The following RGS5 variants were observed in gnomAD, a reference collection of about 807,000 sequenced individuals.
RGS5 encodes regulator of G protein signaling 5.
RGS5 carries 20 observed loss-of-function variants against 18.9 expected under a neutral mutation model. That is an observed-to-expected ratio of 1.06 (90% CI 0.74 to 1.54). The LOEUF (loss-of-function observed/expected upper bound fraction) is 1.54. RGS5 is among the 40% of genes most tolerant of loss of function. The pLI is 0.00. For missense variants in RGS5, 201 were observed against 211.8 expected (o/e 0.95, Z 0.32); for synonymous variants, 57 against 76.2 (o/e 0.75, Z 1.31).
At chr1:163,183,419 A>T (rs929793332) in intron 1 of RGS5, among the ~76,000 whole-genome samples, 13 of 152,216 alleles carry the variant, frequency 8.5e-5, no homozygotes, top group Admixed American at 2.6e-4. Context: ...TTAATAAGCA[A>T]TTATTCCTGA....
chr1:163,174,006 G>C (rs1658428070), intron 1 of RGS5, among the ~76,000 whole-genome samples: 1 of 152,252 alleles, frequency 6.6e-6, no homozygotes, highest in Non-Finnish European at 1.5e-5. Flanking sequence ...AACCCAGGAG[G>C]TGGAGGTTGC....
intron 2 of RGS5, among the ~76,000 whole-genome samples, chr1:163,258,510 G>A (rs2101703655): frequency 6.6e-6 from 1 of 152,290 alleles, no homozygotes; most frequent in African/African-American, 2.4e-5. Context: ...AAAAAAATCT[G>A]CTAAAAAGTT....
intron 2 of RGS5, among the ~76,000 whole-genome samples, chr1:163,228,012 C>T (rs533835430): frequency 6.6e-6 from 1 of 152,192 alleles, no homozygotes; most frequent in Non-Finnish European, 1.5e-5. Flanking sequence ...CAGCCCTGCC[C>T]CAGGATGCTT....
upstream of RGS5, among the ~76,000 whole-genome samples, chr1:163,205,266 C>A (rs1280998287): frequency 1.3e-5 from 2 of 148,976 alleles, no homozygotes; most frequent in African/African-American, 5.0e-5. Flanking sequence ...CAACATTGTG[C>A]CCATAGTTAG....
At position 163,243,813 on chromosome 1, in the gene RGS5, A is replaced by AAC. The variant is rs140181467; in HGVS notation, c.-281+62418_-281+62419dup. 2.0e-3 allele frequency among the ~76,000 whole-genome samples: 296 copies of AAC among 150,204 alleles called. 1 individual carries two copies. The highest frequency in any genetic ancestry group is 0.015 in the East Asian group (76 of 5,140). On this transcript the variant is annotated intron_variant, in intron 2 of 5. Coordinates refer to the RGS5 transcript ENST00000618415. ...AGGAGGCATTTACACACATTCACAC[A>AAC]ACACACACACACACACATACACACA... is the stretch of plus-strand genomic sequence containing the variant.
upstream of RGS5, among the ~76,000 whole-genome samples, chr1:163,206,378 AT>A (rs1659955097): frequency 6.6e-6 from 1 of 151,492 alleles, no homozygotes; most frequent in Non-Finnish European, 1.5e-5. Context: ...TTGCTTTTTG[AT>A]TTTTTTAATG....
At chr1:163,193,181 A>C (rs1453157243) in intron 1 of RGS5, among the ~76,000 whole-genome samples, 1 of 152,144 alleles carries the variant, frequency 6.6e-6, no homozygotes, top group Admixed American at 6.5e-5. Context: ...GTAGAGTTTT[A>C]AGTCTCTAAA....
At chr1:163,217,482 A>G (rs1557908912) in intron 1 of RGS5, 2 of 1,484,186 alleles carry the variant, frequency 1.3e-6, no homozygotes, top group Non-Finnish European at 9.0e-7. Context: ...TGTAAATTAT[A>G]ACATTAAAGA....
intron 1 of RGS5, among the ~76,000 whole-genome samples, chr1:163,190,100 T>A (rs1428177341): frequency 6.6e-6 from 1 of 152,150 alleles, no homozygotes; most frequent in South Asian, 2.1e-4. Context: ...CATGTAAATC[T>A]GCTCTCCAAA....
chr1:163,199,190 T>C (rs1659683419), intron 1 of RGS5, among the ~76,000 whole-genome samples: 1 of 152,216 alleles, frequency 6.6e-6, no homozygotes, highest in Admixed American at 6.5e-5. Flanking sequence ...CTCACCCATA[T>C]AGTACAGGTT....
At chr1:163,174,232 A>G (rs936917234) in intron 1 of RGS5, among the ~76,000 whole-genome samples, 2 of 152,174 alleles carry the variant, frequency 1.3e-5, no homozygotes, top group Non-Finnish European at 2.9e-5. Context: ...TTCAATTGGC[A>G]TTTATATCTC....
intron 2 of RGS5, among the ~76,000 whole-genome samples, chr1:163,287,763 G>T (rs12120906): frequency 1.3e-5 from 2 of 152,032 alleles, no homozygotes; most frequent in African/African-American, 4.8e-5. Context: ...TAATTCTACT[G>T]GTGGTGTCAT....
chr1:163,233,702 G>C (rs966125543), intron 2 of RGS5, among the ~76,000 whole-genome samples: 1 of 152,160 alleles, frequency 6.6e-6, no homozygotes, highest in African/African-American at 2.4e-5. Context: ...TTTGCAGGCA[G>C]GGGGTGGATC....
chr1:163,274,351 CAG>C (rs1648798246), intron 2 of RGS5, among the ~76,000 whole-genome samples: 1 of 152,302 alleles, frequency 6.6e-6, no homozygotes, highest in Admixed American at 6.5e-5. Context: ...CAATAAGATA[CAG>C]AGAGCTTCTA....
In RGS5 at chr1:163,215,921, A is replaced by AAAAAT. The variant is rs1182061036; in HGVS notation, c.69+1600_69+1604dup. Among the ~76,000 whole-genome samples the AAAAAT allele has an allele frequency of 3.3e-5, 5 of 151,956 alleles. No homozygotes were observed. In the East Asian group the frequency reaches 5.8e-4, roughly 18 times the overall value. On this transcript the variant is annotated intron_variant, in intron 1 of 5. Coordinates refer to the RGS5 transcript ENST00000367903. ...GTCTATTCATTTAAATAATAATAATAAAAATAAAATAAAATAAAAATTTTA... is the reference window on the plus strand; with the variant it reads ...GTCTATTCATTTAAATAATAATAATAAAAATAAAATAAAATAAAATAAAAATTTTA...
chr1:163,201,635 T>C (rs1659774379), intron 1 of RGS5, among the ~76,000 whole-genome samples: 8 of 152,158 alleles, frequency 5.3e-5, no homozygotes, highest in Admixed American at 5.2e-4. Context: ...GGAGGTTTCA[T>C]ATTCAGTTAC....
At chr1:163,188,201 T>C (rs1295697111) in intron 1 of RGS5, among the ~76,000 whole-genome samples, 3 of 152,078 alleles carry the variant, frequency 2.0e-5, no homozygotes, top group Admixed American at 2.0e-4. Flanking sequence ...AGCTAGTTCA[T>C]TGGATATGTA....
intron 2 of RGS5, among the ~76,000 whole-genome samples, chr1:163,302,329 C>T (rs1441256862): frequency 6.6e-6 from 1 of 152,088 alleles, no homozygotes; most frequent in Non-Finnish European, 1.5e-5. Flanking sequence ...TAAGATCATA[C>T]AGAAGGAGAA....
chr1:163,260,156 T>C (rs1648391759), intron 2 of RGS5: 1 of 152,242 alleles, frequency 6.6e-6, no homozygotes, highest in African/African-American at 2.4e-5. Flanking sequence ...TAACACTGCA[T>C]GAGCCTTGAG....
Sources: allele counts gnomAD v4.1 joint callset (sites outside exome capture counted in the v4.1 genomes callset), GRCh38; gene constraint gnomAD v4.1.1; transcripts MANE v1.5; gene names NCBI Gene and HGNC (gene_info 2026-07-23, HGNC 2026-07-21).